FRMPD4: variants seen among roughly 807,000 people sequenced by gnomAD.
FRMPD4 encodes FERM and PDZ domain containing 4, also known as FERM and PDZ domain-containing protein 4.
Under a neutral mutation model 94.1 loss-of-function variants are expected in FRMPD4, and 22 were observed. The ratio of observed to expected loss-of-function variants is 0.23; its 90% CI spans 0.17 to 0.33. The LOEUF is 0.33. FRMPD4 is among the 10% of genes least tolerant of loss of function. The pLI is 1.00. For synonymous variants in FRMPD4, 631 were observed against 548.6 expected, an observed-to-expected ratio of 1.15 and a Z score of -2.10; for missense variants, 1,111 against 1,339.9, an observed-to-expected ratio of 0.83 and a Z score of 2.67.
intron 1 of FRMPD4, among the ~76,000 whole-genome samples, chrX:12,256,596 C>T (rs2054117994): frequency 8.9e-6 from 1 of 111,844 alleles, no homozygotes; most frequent in Admixed American, 9.5e-5. Context: ...ATAGTCAGGC[C>T]TGTTCATAAA....
chrX:12,512,367 C>T (rs995004815), intron 2 of FRMPD4, among the ~76,000 whole-genome samples: 8 of 112,026 alleles, frequency 7.1e-5, no homozygotes, highest in Non-Finnish European at 1.3e-4. Flanking sequence ...CTGACGCTCT[C>T]CCTCCCCCCA....
chrX:12,711,257 G>A (rs2041981763), intron 14 of FRMPD4, among the ~76,000 whole-genome samples: 1 of 111,604 alleles, frequency 9.0e-6, no homozygotes, highest in Admixed American at 9.4e-5. Flanking sequence ...CGGGTGTCTG[G>A]GAGCCTCCTC....
At chrX:12,440,135 G>A in intron 1 of FRMPD4, among the ~76,000 whole-genome samples, 1 of 111,662 alleles carries the variant, frequency 9.0e-6, no homozygotes, top group Non-Finnish European at 1.9e-5. Flanking sequence ...AAAAATACAG[G>A]ATGCCAAGTT....
At chrX:12,664,632 G>A (rs750426802) in intron 4 of FRMPD4, among the ~76,000 whole-genome samples, 1 of 111,929 alleles carries the variant, frequency 8.9e-6, no homozygotes, top group African/African-American at 3.2e-5. Context: ...TTTTCGCATT[G>A]ATGTTCATCA....
chrX:11,927,457 AG>A (rs2147349441), intron 3 of FRMPD4, among the ~76,000 whole-genome samples: 1 of 112,155 alleles, frequency 8.9e-6, no homozygotes, highest in African/African-American at 3.2e-5. Context: ...CTAAGCAAAA[AG>A]AACAAAGCTG....
chrX:12,089,564 T>G (rs1241637547), intron 3 of FRMPD4, among the ~76,000 whole-genome samples: 1 of 112,090 alleles, frequency 8.9e-6, no homozygotes, highest in Non-Finnish European at 1.9e-5. Context: ...TAGTTGAGTA[T>G]CTTTTCATAT....
intron 3 of FRMPD4, among the ~76,000 whole-genome samples, chrX:11,969,979 G>C (rs2054331828): frequency 9.0e-6 from 1 of 110,822 alleles, no homozygotes; most frequent in Non-Finnish European, 1.9e-5. Flanking sequence ...TCCTCTCCTA[G>C]CCTCAGTTCC....
chrX:12,667,859 G>A (rs1052661124), intron 4 of FRMPD4, among the ~76,000 whole-genome samples: 1 of 112,161 alleles, frequency 8.9e-6, no homozygotes, highest in African/African-American at 3.2e-5. Flanking sequence ...TTTAGGGTAG[G>A]ATAGACTATA....
At chrX:11,853,516 A>T (rs1325538839) in intron 1 of FRMPD4, among the ~76,000 whole-genome samples, 1 of 111,642 alleles carries the variant, frequency 9.0e-6, no homozygotes, top group African/African-American at 3.3e-5. Flanking sequence ...GAAGATTCAA[A>T]TAAACAGAAT....
chrX:11,904,806 A>G (rs2053958730), intron 3 of FRMPD4, among the ~76,000 whole-genome samples: 1 of 112,416 alleles, frequency 8.9e-6, no homozygotes. Flanking sequence ...TGAGCTTTTA[A>G]GAGATGATTA....
intron 3 of FRMPD4, among the ~76,000 whole-genome samples, chrX:12,029,901 A>G (rs932485454): frequency 8.9e-6 from 1 of 111,792 alleles, no homozygotes; most frequent in Non-Finnish European, 1.9e-5. Context: ...CATAGGGCAT[A>G]TATACCAAGG....
At chrX:12,185,947 A>T (rs1366212096) in intron 1 of FRMPD4, among the ~76,000 whole-genome samples, 4 of 111,754 alleles carry the variant, frequency 3.6e-5, no homozygotes, top group Non-Finnish European at 7.5e-5. Flanking sequence ...CTTGTAGATG[A>T]TGTTTTTGGC....
intron 1 of FRMPD4, among the ~76,000 whole-genome samples, chrX:12,274,655 C>G (rs182273474): frequency 1.8e-4 from 20 of 112,440 alleles, no homozygotes; most frequent in Admixed American, 1.7e-3. Flanking sequence ...GAGCAATGTA[C>G]TCATTCCATT....
intron 16 of FRMPD4, among the ~76,000 whole-genome samples, chrX:12,719,779 G>A (rs2042183418): frequency 9.1e-6 from 1 of 110,425 alleles, no homozygotes; most frequent in African/African-American, 3.3e-5. Context: ...TTTCACCTGA[G>A]TTACCTCTTG....
At chrX:12,003,373 A>C (rs142765434) in intron 3 of FRMPD4, among the ~76,000 whole-genome samples, 187 of 106,250 alleles carry the variant, frequency 1.8e-3, no homozygotes, top group African/African-American at 6.3e-3. Flanking sequence ...CATTAACTTA[A>C]TTCAGTTTGG....
intron 3 of FRMPD4, among the ~76,000 whole-genome samples, chrX:12,112,398 C>T (rs992527196): frequency 9.1e-6 from 1 of 110,070 alleles, no homozygotes; most frequent in African/African-American, 3.3e-5. Context: ...CGGGGAACAT[C>T]ACACACTGGG....
At chrX:12,004,024 C>T (rs1601879604) in intron 3 of FRMPD4, among the ~76,000 whole-genome samples, 1 of 111,513 alleles carries the variant, frequency 9.0e-6, no homozygotes, top group African/African-American at 3.3e-5. Context: ...CCTCTTCTTC[C>T]CCCTGCCTTG....
intron 1 of FRMPD4, among the ~76,000 whole-genome samples, chrX:12,218,505 A>G (rs2056830875): frequency 8.9e-6 from 1 of 112,069 alleles, no homozygotes; most frequent in African/African-American, 3.2e-5. Context: ...GAATTTAGTT[A>G]TTGTAGTTTA....
intron 9 of FRMPD4, among the ~76,000 whole-genome samples, chrX:12,701,619 T>G (rs2060191726): frequency 8.9e-6 from 1 of 112,189 alleles, no homozygotes; most frequent in African/African-American, 3.2e-5. Flanking sequence ...TTCCTAATTG[T>G]TTTTACAAAA....
Sources: allele counts gnomAD v4.1 joint callset (sites outside exome capture counted in the v4.1 genomes callset), GRCh38; gene constraint gnomAD v4.1.1; transcripts MANE v1.5; gene names NCBI Gene and HGNC (gene_info 2026-07-23, HGNC 2026-07-21).